The following RBFOX2 variants were observed in gnomAD, a reference collection of about 807,000 sequenced individuals.
The protein encoded by RBFOX2 is RNA binding protein fox-1 homolog 2.
In RBFOX2, 10 loss-of-function variants were observed where a neutral mutation model predicts 49.1. That is an observed-to-expected ratio of 0.20 (90% CI 0.13 to 0.35). The LOEUF (loss-of-function observed/expected upper bound fraction) is 0.35, where lower values mean the gene tolerates loss of function less well. Among genes scored for constraint, RBFOX2 ranks in the 10% least tolerant of loss-of-function variants. The pLI, the probability that RBFOX2 is intolerant of heterozygous loss-of-function variation, is 1.00. For missense variants in RBFOX2, 323 were observed against 486.9 expected, an observed-to-expected ratio of 0.66 and a Z score of 3.17; for synonymous variants, 183 against 187.4, an observed-to-expected ratio of 0.98 and a Z score of 0.19.
chr22:35,869,200 G>A, intron 1 of RBFOX2, among the ~76,000 whole-genome samples: 1 of 152,018 alleles, frequency 6.6e-6, no homozygotes, highest in Non-Finnish European at 1.5e-5. Context: ...GACTTCTGTG[G>A]GGTTTTGTTG....
At chr22:35,762,228 T>C (rs1316189791) in intron 6 of RBFOX2, among the ~76,000 whole-genome samples, 1 of 152,164 alleles carries the variant, frequency 6.6e-6, no homozygotes, top group Non-Finnish European at 1.5e-5. Context: ...ATGTTTAATG[T>C]CAACTTTATT....
At chr22:35,969,404 T>A (rs1766883571) in intron 1 of RBFOX2, among the ~76,000 whole-genome samples, 1 of 152,138 alleles carries the variant, frequency 6.6e-6, no homozygotes, top group African/African-American at 2.4e-5. Flanking sequence ...AAACCCTGTC[T>A]CTACTAAAAA....
At chr22:35,855,263 C>T (rs1569399349) in intron 1 of RBFOX2, among the ~76,000 whole-genome samples, 1 of 152,124 alleles carries the variant, frequency 6.6e-6, no homozygotes, top group Admixed American at 6.6e-5. Context: ...CAATCTATTC[C>T]ACTTTCAAGT....
intron 1 of RBFOX2, among the ~76,000 whole-genome samples, chr22:35,949,908 T>G (rs2054723886): frequency 1.3e-5 from 2 of 152,182 alleles, no homozygotes; most frequent in South Asian, 4.1e-4. Context: ...TAAAAGTTTT[T>G]AATTTTGATA....
intron 1 of RBFOX2, among the ~76,000 whole-genome samples, chr22:35,827,201 C>CA (rs1955945182): frequency 6.6e-6 from 1 of 152,122 alleles, no homozygotes; most frequent in South Asian, 2.1e-4. Context: ...AAGGTTCCAC[C>CA]AAGTTTGCAG....
chr22:35,798,458 TC>T (rs1949176053), intron 2 of RBFOX2, among the ~76,000 whole-genome samples: 2 of 152,252 alleles, frequency 1.3e-5, no homozygotes, highest in Non-Finnish European at 2.9e-5. Context: ...TGTATTTAAA[TC>T]CTCACACTGA....
chr22:35,773,097 T>C (rs1263663859), intron 4 of RBFOX2, among the ~76,000 whole-genome samples: 1 of 151,416 alleles, frequency 6.6e-6, no homozygotes, highest in African/African-American at 2.4e-5. Flanking sequence ...CACTGTTAAT[T>C]CTGTTTTAAA....
At chr22:35,925,400 C>T (rs931827073) in intron 1 of RBFOX2, among the ~76,000 whole-genome samples, 37 of 152,196 alleles carry the variant, frequency 2.4e-4, no homozygotes, top group African/African-American at 7.9e-4. Context: ...GTAGCACATG[C>T]ATGCCTGTAG....
chr22:35,960,608 G>C (rs950683525), intron 1 of RBFOX2, among the ~76,000 whole-genome samples: 1 of 152,056 alleles, frequency 6.6e-6, no homozygotes, highest in African/African-American at 2.4e-5. Context: ...AACATTTAAA[G>C]AGCCCTTGAT....
chr22:35,768,939 C>T (rs1419652776), intron 4 of RBFOX2, among the ~76,000 whole-genome samples: 3 of 152,078 alleles, frequency 2.0e-5, no homozygotes, highest in Non-Finnish European at 4.4e-5. Context: ...AGGGCATAGT[C>T]GGTGTACAAT....
intron 1 of RBFOX2, among the ~76,000 whole-genome samples, chr22:35,969,033 C>A (rs1398520982): frequency 6.6e-6 from 1 of 152,124 alleles, no homozygotes; most frequent in African/African-American, 2.4e-5. Context: ...GTGCCTCTTG[C>A]ACACAGCACT....
At chr22:35,850,181 G>GTC (rs965007393) in intron 1 of RBFOX2, among the ~76,000 whole-genome samples, 4 of 86,598 alleles carry the variant, frequency 4.6e-5, no homozygotes, top group Admixed American at 1.3e-4. Context: ...CGCATTCTCT[G>GTC]TCTCTCTCTC....
At chr22:36,014,197 C>G in intron 1 of RBFOX2, among the ~76,000 whole-genome samples, 1 of 151,426 alleles carries the variant, frequency 6.6e-6, no homozygotes, top group East Asian at 1.9e-4. Context: ...TCGCGGCTCA[C>G]TGCAAGCTCC....
At chr22:36,005,851 A>G (rs1341964918) in intron 1 of RBFOX2, among the ~76,000 whole-genome samples, 1 of 152,250 alleles carries the variant, frequency 6.6e-6, no homozygotes, top group Non-Finnish European at 1.5e-5. Flanking sequence ...ATGGTAGCTT[A>G]GACAAGTATC....
At chr22:35,777,043 GCT>G (rs1169801012) in intron 4 of RBFOX2, among the ~76,000 whole-genome samples, 4 of 146,302 alleles carry the variant, frequency 2.7e-5, no homozygotes, top group Admixed American at 6.9e-5. Flanking sequence ...AGACAGTCTT[GCT>G]CTGTCACCCA....
intron 1 of RBFOX2, among the ~76,000 whole-genome samples, chr22:35,896,821 G>C (rs2047904035): frequency 6.6e-6 from 1 of 152,018 alleles, no homozygotes; most frequent in Non-Finnish European, 1.5e-5. Flanking sequence ...TACATTTCTA[G>C]TACAAAAGAG....
chr22:35,966,864 GTGT>G (rs2056590478), intron 1 of RBFOX2, among the ~76,000 whole-genome samples: 3 of 151,950 alleles, frequency 2.0e-5, no homozygotes. Flanking sequence ...CCAGGCTGGA[GTGT>G]AGTGGTGCAA....
At chr22:35,992,157 T>C (rs2058009373) in intron 1 of RBFOX2, among the ~76,000 whole-genome samples, 3 of 152,186 alleles carry the variant, frequency 2.0e-5, no homozygotes, top group Non-Finnish European at 4.4e-5. Flanking sequence ...CCAGCGGATG[T>C]TGCCAATATG....
intron 1 of RBFOX2, among the ~76,000 whole-genome samples, chr22:35,895,413 C>G (rs534479823): frequency 6.6e-6 from 1 of 152,300 alleles, no homozygotes; most frequent in South Asian, 2.1e-4. Flanking sequence ...GAGCCCCTTG[C>G]AGAAGCCAAG....
Sources: gnomAD v4.1 joint callset for allele counts (sites outside exome capture counted in the v4.1 genomes callset) on GRCh38, gnomAD v4.1.1 for gene constraint, MANE v1.5 for transcripts, NCBI Gene and HGNC (gene_info 2026-07-23, HGNC 2026-07-21) for gene names.